Variants in CARHSP1 observed in about 807,000 individuals in gnomAD.
CARHSP1 encodes calcium regulated heat stable protein 1, also known as calcium-regulated heat-stable protein 1.
CARHSP1 carries 14 observed loss-of-function variants against 12.5 expected under a neutral mutation model. That is an observed-to-expected ratio of 1.12 (90% CI 0.74 to 1.75). CARHSP1 has a LOEUF of 1.75. CARHSP1 is among the 40% of genes most tolerant of loss of function. The pLI is 0.00. For missense variants in CARHSP1, 343 were observed against 201.6 expected (o/e 1.70, Z -4.25); for synonymous variants, 161 against 82.0 (o/e 1.96, Z -5.20).
chr16:8,857,268 T>TG lies in CARHSP1; in HGVS notation c.281+1081_281+1082insC, dbSNP rs1567181119. Among the ~76,000 whole-genome samples the TG allele has an allele frequency of 3.4e-4, 7 of 20,292 alleles. No individual in the cohort carries two copies. In the East Asian group the frequency reaches 0.01, roughly 30 times the overall value. The allele number at this position is 20,292 out of a possible 152,430, so 13.3% of individuals were successfully genotyped here. A position where few individuals can be genotyped will look rare whatever the true frequency, so the allele number is the denominator to read the frequency against. On this transcript the variant is annotated intron_variant, in intron 3 of 3. Coordinates refer to ENST00000311052, the MANE Select transcript of CARHSP1 (RefSeq NM_014316.4). Reference sequence around the variant, plus strand: ...ATGTGATCTTGGGCAGATCTGTTTTTTTTTTTTTTTTTTTTTTTTTTTTTT... The same window carrying TG: ...ATGTGATCTTGGGCAGATCTGTTTTTGTTTTTTTTTTTTTTTTTTTTTTTTT...
chr16:8,861,717 C>T lies in CARHSP1; in HGVS notation c.-7-2382G>A, dbSNP rs1025637581. ...CGCGGCCAAGGAGGAACTCCTGAGTCCGGGGAGCCCCCACCTCAAAAAGGC... is the reference window on the plus strand; with the variant it reads ...CGCGGCCAAGGAGGAACTCCTGAGTTCGGGGAGCCCCCACCTCAAAAAGGC... On this transcript the variant is annotated intron_variant, in intron 1 of 3. Coordinates refer to ENST00000311052, the MANE Select transcript of CARHSP1 (RefSeq NM_014316.4). 5.4e-6 allele frequency: 7 copies of T among 1,288,098 alleles called. 1 individual carries two copies. The South Asian group carries it at 8.6e-5, about 16-fold the overall frequency. The allele number at this position is 1,288,098 out of a possible 1,614,324, so 79.8% of individuals were successfully genotyped here.
At chr16:8,864,133 G>C (rs973416706) in intron 1 of CARHSP1, among the ~76,000 whole-genome samples, 1 of 152,254 alleles carries the variant, frequency 6.6e-6, no homozygotes, top group African/African-American at 2.4e-5. Context: ...GTGCTCGTTT[G>C]TGCACAGGTA....
intron 3 of CARHSP1, among the ~76,000 whole-genome samples, chr16:8,856,641 G>C (rs2061120959): frequency 7.6e-6 from 1 of 132,270 alleles, no homozygotes; most frequent in Admixed American, 1.0e-4. Context: ...GGGCAAAGGA[G>C]GGGTAACTCC....
At chr16:8,860,263 C>CGAG in intron 1 of CARHSP1, 1 of 982,954 alleles carries the variant, frequency 1.0e-6, no homozygotes, top group Non-Finnish European at 1.2e-6. Flanking sequence ...AGGCTGCATC[C>CGAG]AGCTCCATCA....
At chr16:8,860,868 T>C (rs1487263868) in intron 1 of CARHSP1, among the ~76,000 whole-genome samples, 1 of 151,684 alleles carries the variant, frequency 6.6e-6, no homozygotes, top group East Asian at 2.0e-4. Context: ...CTGGCCAACA[T>C]GGTGAAAACC....
At chr16:8,860,567 T>A (rs2061320728) in intron 1 of CARHSP1, 1 of 975,318 alleles carries the variant, frequency 1.0e-6, no homozygotes, top group African/African-American at 1.8e-5. Flanking sequence ...GGGCTCAGTT[T>A]CCGAATCTGC....
chr16:8,859,498 G>A (rs545359065), intron 1 of CARHSP1, among the ~76,000 whole-genome samples, 163 bp from the exon 2 acceptor site: 17 of 151,874 alleles, frequency 1.1e-4, no homozygotes, highest in Middle Eastern at 3.4e-3. Context: ...AGGGTCAGAT[G>A]CCTACTCTGG....
rs2061023323 is a variant in CARHSP1 at position 8,854,165 on chromosome 16, TAAGAA to T, written c.*994_*998del. On this transcript the variant is annotated 3_prime_UTR_variant, in exon 4 of 4. Transcript: ENST00000311052. Reference sequence around the variant, plus strand: ...GGGTGAAAGCTTTAGTTATGAAAAATAAGAAAAAAAAAATCCCTAAGCATTTCTTA... The same window carrying T: ...GGGTGAAAGCTTTAGTTATGAAAAATAAAAAAAATCCCTAAGCATTTCTTA... The T allele has an allele frequency of 6.7e-6, 1 of 149,006 alleles. No individual in the cohort carries two copies. The highest frequency in any genetic ancestry group is 1.5e-5 in the Non-Finnish European group (1 of 66,984). The allele number at this position is 149,006 out of a possible 1,614,324, so 9.2% of individuals were successfully genotyped here.
intron 1 of CARHSP1, among the ~76,000 whole-genome samples, chr16:8,860,670 G>A (rs568311321): frequency 2.6e-5 from 4 of 151,978 alleles, no homozygotes; most frequent in Non-Finnish European, 4.4e-5. Context: ...AACTAACTCA[G>A]GACGCCACTC....
chr16:8,868,555 A>C (rs2061484617), intron 1 of CARHSP1: 1 of 143,890 alleles, frequency 6.9e-6, no homozygotes, highest in Non-Finnish European at 1.5e-5. Flanking sequence ...TGGCGCGGCC[A>C]GGCCCGGCGG....
chr16:8,868,407 C>G (rs753298630), intron 1 of CARHSP1: 2 of 152,012 alleles, frequency 1.3e-5, no homozygotes, highest in Non-Finnish European at 2.9e-5. Flanking sequence ...GCACCCCCAC[C>G]CCCATCCGGG....
chr16:8,866,377 T>C (rs1302331733), intron 1 of CARHSP1: 1 of 935,102 alleles, frequency 1.1e-6, no homozygotes, highest in South Asian at 4.9e-5. Flanking sequence ...GGAAGGGAAA[T>C]GGCGCAGGGA....
chr16:8,866,627 C>T (rs986900006), intron 1 of CARHSP1: 29 of 182,856 alleles, frequency 1.6e-4, no homozygotes, highest in Non-Finnish European at 4.2e-5. Flanking sequence ...CAGCGTCAGG[C>T]TGGCCTAGCC....
At chr16:8,858,796 G>C (rs1567183558) in intron 2 of CARHSP1, 1 of 422,980 alleles carries the variant, frequency 2.4e-6, no homozygotes, top group Non-Finnish European at 4.2e-6. Flanking sequence ...CCACTCGCAA[G>C]GCCTGAGACC....
chr16:8,857,271 T>TTTTTGTTTTTG (rs1567181141), intron 3 of CARHSP1, among the ~76,000 whole-genome samples: 1 of 26,184 alleles, frequency 3.8e-5, no homozygotes, highest in South Asian at 1.8e-3. Flanking sequence ...CTGTTTTTTT[T>TTTTTGTTTTTG]TTTTTTTTTT....
intron 1 of CARHSP1, 72 bp from the exon 2 acceptor site, chr16:8,859,407 C>T (rs1677483): frequency 0.055 from 74,503 of 1,349,288 alleles, 3,073 homozygotes; most frequent in Admixed American, 0.23. Flanking sequence ...CCCATGTCCA[C>T]GTCTGACAGT....
At chr16:8,857,068 G>A (rs1596526001) in intron 3 of CARHSP1, among the ~76,000 whole-genome samples, 1 of 152,056 alleles carries the variant, frequency 6.6e-6, no homozygotes, top group African/African-American at 2.4e-5. Context: ...CTGGTCCCCA[G>A]GCCAAACAGG....
chr16:8,862,832 T>C lies in CARHSP1; in HGVS notation c.-7-3497A>G, dbSNP rs891109534. ...CGCGTCATCATCATCATCACTGTCATTGTCACCATCGTCGTCCTCCTTGCA... is the reference window on the plus strand; with the variant it reads ...CGCGTCATCATCATCATCACTGTCACTGTCACCATCGTCGTCCTCCTTGCA... On this transcript the variant is annotated intron_variant, in intron 1 of 3. Transcript: ENST00000311052. 1.8e-4 allele frequency among the ~76,000 whole-genome samples: 28 copies of C among 152,194 alleles called. 1 individual carries two copies. The highest frequency in any genetic ancestry group is 1.2e-3 in the Admixed American group (19 of 15,280).
chr16:8,859,279 G>A lies in CARHSP1; in HGVS notation c.50C>T (p.Ser17Leu). ...CCGAGGGGTGTCCAGCAGCCCGACT[G>A]AAGCTTGATGGGTGGGGGGCTGTGG... ...PPPQPPTHQA[S>L]VGLLDTPRSR... The change falls in exon 2 of 4, where the codon TCA (serine) becomes TTA (leucine). Residue 17 changes from serine (S) to leucine (L), a missense_variant. Physicochemically the swap from Ser to Leu is moderately radical, Grantham distance 145. Coordinates refer to ENST00000311052, the MANE Select transcript of CARHSP1 (RefSeq NM_014316.4). The A allele has an allele frequency of 1.2e-6, 2 of 1,603,670 alleles. No homozygotes were observed. The highest frequency in any genetic ancestry group is 1.7e-6 in the Non-Finnish European group (2 of 1,177,646).
Sources: allele counts gnomAD v4.1 joint callset (sites outside exome capture counted in the v4.1 genomes callset), GRCh38; gene constraint gnomAD v4.1.1; transcripts MANE v1.5; gene names NCBI Gene and HGNC (gene_info 2026-07-23, HGNC 2026-07-21).